The following TRIM5 variants were observed in gnomAD, a reference collection of about 807,000 sequenced individuals.
TRIM5 encodes the protein tripartite motif-containing protein 5.
Under a neutral mutation model 35.6 loss-of-function variants are expected in TRIM5, and 31 were observed. The observed-to-expected ratio is 0.87, with a 90% CI of 0.65 to 1.18. The LOEUF (loss-of-function observed/expected upper bound fraction) is 1.18, where lower values mean the gene tolerates loss of function less well. Ranked by LOEUF, TRIM5 falls within the 50% of genes most tolerant of loss-of-function variation. The probability of loss-of-function intolerance (pLI) is 0.00; values close to 1 mark genes in which losing one functional copy is unlikely to be tolerated. For synonymous variants in TRIM5, 243 were observed against 215.6 expected (o/e 1.13, Z -1.11); for missense variants, 609 against 591.6 (o/e 1.03, Z -0.31).
At chr11:5,602,401 C>T in the TRIM5 span, among the ~76,000 whole-genome samples, 7 of 151,696 alleles carry the variant, frequency 4.6e-5, no homozygotes, top group Admixed American at 2.0e-4. Context: ...CGAGATCACG[C>T]CACTGCACTC....
At chr11:5,637,128 G>T in the TRIM5 span, among the ~76,000 whole-genome samples, 6,150 of 152,000 alleles carry the variant, frequency 0.04, 394 homozygotes, top group African/African-American at 0.14. Flanking sequence ...AGCCAAGATG[G>T]CGCCACTGCA....
intron 2 of TRIM5, 110 bp downstream of exon 2, chr11:5,679,651 T>C (rs929144188): frequency 3.3e-6 from 4 of 1,200,696 alleles, no homozygotes; most frequent in East Asian, 4.8e-5. Flanking sequence ...AAAAAAATAA[T>C]CCCGGGTCTC....
chr11:5,610,729 G>A, the TRIM5 span: 8,556 of 1,595,572 alleles, frequency 5.4e-3, 29 homozygotes, highest in Non-Finnish European at 6.6e-3. Flanking sequence ...AGCATAACGA[G>A]ACCCATGTCC....
the TRIM5 span, chr11:5,604,920 T>A: frequency 2.3e-6 from 1 of 435,428 alleles, no homozygotes; most frequent in Non-Finnish European, 4.1e-6. Context: ...TCTTTGGCTT[T>A]TCCCTTGCAT....
chr11:5,605,399 A>G, the TRIM5 span: 1 of 1,614,166 alleles, frequency 6.2e-7, no homozygotes, highest in South Asian at 1.1e-5. Flanking sequence ...GAAATATCCT[A>G]GACAGAGTGG....
the TRIM5 span, among the ~76,000 whole-genome samples, chr11:5,613,946 G>T: frequency 1.3e-5 from 2 of 152,098 alleles, no homozygotes. Flanking sequence ...CCAAAGTATT[G>T]TCCAGTGAAT....
the TRIM5 span, chr11:5,603,291 A>T: frequency 1.2e-6 from 2 of 1,613,970 alleles, no homozygotes; most frequent in African/African-American, 2.7e-5. Context: ...TTGGGCAGGC[A>T]GGAGCCAGGA....
At chr11:5,674,514 G>A (rs934783921) in intron 4 of TRIM5, among the ~76,000 whole-genome samples, 40 of 152,314 alleles carry the variant, frequency 2.6e-4, no homozygotes, top group Admixed American at 3.9e-4. Flanking sequence ...AGCACCAAAT[G>A]TTACCTCAGA....
the TRIM5 span, among the ~76,000 whole-genome samples, chr11:5,637,940 C>T: frequency 6.6e-6 from 1 of 152,304 alleles, no homozygotes; most frequent in South Asian, 2.1e-4. Flanking sequence ...TATCCATTCC[C>T]CATTTTTCTG....
the TRIM5 span, chr11:5,619,868 AATTTTTGT>A: frequency 0.28 from 41,424 of 148,926 alleles, 5,893 homozygotes; most frequent in East Asian, 0.3. Context: ...ATGCCCGGCT[AATTTTTGT>A]ATTTTTGTAG....
At chr11:5,610,741 C>T in the TRIM5 span, 375 of 1,602,992 alleles carry the variant, frequency 2.3e-4, 8 homozygotes, top group South Asian at 3.3e-3. Context: ...CCCATGTCCC[C>T]GTTCTCATCT....
chr11:5,672,523 T>C (rs1590247321), intron 4 of TRIM5, among the ~76,000 whole-genome samples: 6 of 152,156 alleles, frequency 3.9e-5, no homozygotes, highest in Admixed American at 3.9e-4. Flanking sequence ...TTCCCATAAA[T>C]ATTTCTTCCC....
At chr11:5,618,198 C>T in the TRIM5 span, among the ~76,000 whole-genome samples, 1 of 151,996 alleles carries the variant, frequency 6.6e-6, no homozygotes, top group East Asian at 1.9e-4. Context: ...GGTGAAACCC[C>T]ATCTCTACTA....
the TRIM5 span, among the ~76,000 whole-genome samples, chr11:5,594,518 G>A: frequency 1.3e-5 from 2 of 151,998 alleles, no homozygotes; most frequent in African/African-American, 4.8e-5. Context: ...TGTTGCCCAG[G>A]TTGGCCTCAA....
chr11:5,641,330 C>A, the TRIM5 span: 1 of 1,534,520 alleles, frequency 6.5e-7, no homozygotes, highest in African/African-American at 1.4e-5. Context: ...AATTGCTGGT[C>A]CCCGATGAGT....
the TRIM5 span, among the ~76,000 whole-genome samples, chr11:5,600,954 A>T: frequency 2.0e-5 from 3 of 151,914 alleles, no homozygotes; most frequent in African/African-American, 7.3e-5. Context: ...TTTTCTAAAG[A>T]GTATTCTCAG....
chr11:5,592,868 G>A, the TRIM5 span, among the ~76,000 whole-genome samples: 1 of 138,532 alleles, frequency 7.2e-6, no homozygotes, highest in African/African-American at 2.7e-5. Flanking sequence ...AGTGAGCTGA[G>A]ATTGTGCTAC....
At chr11:5,653,626 G>A in the TRIM5 span, among the ~76,000 whole-genome samples, 11 of 151,544 alleles carry the variant, frequency 7.3e-5, no homozygotes, top group African/African-American at 2.7e-4. Context: ...TGAGTGGCTG[G>A]GATTAGAAGT....
chr11:5,643,395 C>A, the TRIM5 span: 1 of 1,614,074 alleles, frequency 6.2e-7, no homozygotes, highest in Non-Finnish European at 8.5e-7. Flanking sequence ...TGCAAATCGT[C>A]AAAATCTTTA....
Sources: allele counts gnomAD v4.1 joint callset (sites outside exome capture counted in the v4.1 genomes callset), GRCh38; gene constraint gnomAD v4.1.1; transcripts MANE v1.5; gene names NCBI Gene and HGNC (gene_info 2026-07-23, HGNC 2026-07-21).